PTPRN2: variants seen among roughly 807,000 people sequenced by gnomAD.
PTPRN2 encodes the protein receptor-type tyrosine-protein phosphatase N2.
In PTPRN2, 74 loss-of-function variants were observed where a neutral mutation model predicts 118.8. That is an observed-to-expected ratio of 0.62 (90% CI 0.52 to 0.76). The LOEUF (loss-of-function observed/expected upper bound fraction) is 0.76, where lower values mean the gene tolerates loss of function less well. PTPRN2 is among the 30% of genes least tolerant of loss of function. The probability of loss-of-function intolerance (pLI) is 0.00; values close to 1 mark genes in which losing one functional copy is unlikely to be tolerated. For missense variants in PTPRN2, 1,481 were observed against 1,394.4 expected (o/e 1.06, Z -0.99); for synonymous variants, 641 against 608.0 (o/e 1.05, Z -0.80).
intron 2 of PTPRN2, among the ~76,000 whole-genome samples, chr7:158,429,347 A>G (rs149287440): frequency 1.5e-3 from 221 of 152,300 alleles, no homozygotes; most frequent in Non-Finnish European, 2.6e-3. Context: ...TAGGCTCTCC[A>G]CGCTGGTCCT....
chr7:157,766,193 AT>A (rs1802471731), intron 12 of PTPRN2, among the ~76,000 whole-genome samples: 1 of 115,154 alleles, frequency 8.7e-6, no homozygotes, highest in Admixed American at 9.3e-5. Flanking sequence ...CAATCCATCC[AT>A]CCATCCATCC....
Position 158,186,482 on chromosome 7 carries a change from C to T in PTPRN2, c.549+5845G>A, listed in dbSNP as rs118051540. ...GTGTCTCCTGGTCGTCCCCCAAGGC[C>T]GTCCTCTTGGAAGCCCACCTGGGCC... On this transcript the variant is annotated intron_variant, in intron 5 of 22. Transcript: ENST00000389418. 7.1e-3 allele frequency among the ~76,000 whole-genome samples: 1,080 copies of T among 152,330 alleles called. 17 individuals are homozygous for T. The highest frequency in any genetic ancestry group is 0.06 in the East Asian group (312 of 5,174).
At chr7:158,166,115 G>A (rs114630335) in intron 6 of PTPRN2, among the ~76,000 whole-genome samples, 12,183 of 143,576 alleles carry the variant, frequency 0.085, 1,276 homozygotes, top group African/African-American at 0.2. Context: ...GGCCAGACCC[G>A]TCCTGCAAGC....
rs190005191 is a variant in PTPRN2 at position 157,967,635 on chromosome 7, G to A, written c.1724-68898C>T. ...ATACTCCATGACATGGGGAAAAGGA[G>A]AACGATGCTGACCCATTCCACAAGT... On this transcript the variant is annotated intron_variant, in intron 11 of 22. Transcript: ENST00000389418. 5.3e-5 allele frequency among the ~76,000 whole-genome samples: 8 copies of A among 152,308 alleles called. No individual in the cohort carries two copies. The East Asian group carries it at 1.5e-3, about 29-fold the overall frequency.
intron 2 of PTPRN2, among the ~76,000 whole-genome samples, chr7:158,341,156 C>A (rs1297040027): frequency 7.0e-6 from 1 of 142,694 alleles, no homozygotes. Flanking sequence ...TAAGAGCTGA[C>A]GCCCGCAGAC....
chr7:158,437,353 A>C (rs1433588178), intron 2 of PTPRN2, among the ~76,000 whole-genome samples: 1 of 152,194 alleles, frequency 6.6e-6, no homozygotes, highest in Non-Finnish European at 1.5e-5. Flanking sequence ...GAACATATCA[A>C]CCACAGTTAT....
chr7:158,203,480 G>T (rs1192135745), intron 4 of PTPRN2, among the ~76,000 whole-genome samples: 1 of 152,108 alleles, frequency 6.6e-6, no homozygotes, highest in East Asian at 1.9e-4. Context: ...CAATCCAGGC[G>T]CCTCTCCATG....
chr7:158,494,613 G>C (rs1240139784), intron 1 of PTPRN2, among the ~76,000 whole-genome samples: 2 of 152,180 alleles, frequency 1.3e-5, no homozygotes, highest in Non-Finnish European at 2.9e-5. Context: ...TCCTGAGAGG[G>C]GCTCACTGAA....
In PTPRN2 at chr7:157,990,603, G is replaced by A. The variant is rs981575890; in HGVS notation, c.1723+90695C>T. 1.3e-5 allele frequency among the ~76,000 whole-genome samples: 2 copies of A among 152,196 alleles called. No homozygotes were observed. Among genetic ancestry groups the A allele is most frequent in the African/African-American group, 4.8e-5 (2 of 41,450 alleles). On this transcript the variant is annotated intron_variant, in intron 11 of 22. Coordinates refer to ENST00000389418, the MANE Select transcript of PTPRN2 (RefSeq NM_002847.5). This position sits in a 1 kb window ranked among gnomAD's most constrained non-coding sequence, Gnocchi z 4.3. ...AGACATCGGTGGATGGGGGAGCAGG[G>A]CAGGCTGGGGGTCAGGGCTCAGGGC...
intron 12 of PTPRN2, among the ~76,000 whole-genome samples, chr7:157,762,394 C>T (rs1455961212): frequency 6.6e-6 from 1 of 151,960 alleles, no homozygotes; most frequent in Non-Finnish European, 1.5e-5. Context: ...CACATATACA[C>T]CATGGAATAC....
At chr7:158,260,626 A>C (rs1263637012) in intron 3 of PTPRN2, among the ~76,000 whole-genome samples, 1 of 152,226 alleles carries the variant, frequency 6.6e-6, no homozygotes, top group African/African-American at 2.4e-5. Flanking sequence ...TAATGCTGAT[A>C]GTAAGGTTAA....
rs1355908591 is a variant in PTPRN2, at chr7:158,467,127, G to A, written c.163+22608C>T. ...CATTCTCACAGGTGTGAGAGGGTAAGTCACTGGGGCTCTGATGTGCGTTTC... is the reference window on the plus strand; with the variant it reads ...CATTCTCACAGGTGTGAGAGGGTAAATCACTGGGGCTCTGATGTGCGTTTC... On this transcript the variant is annotated intron_variant, in intron 2 of 22. Coordinates refer to ENST00000389418, the MANE Select transcript of PTPRN2 (RefSeq NM_002847.5). Among the ~76,000 whole-genome samples the A allele has an allele frequency of 2.0e-5, 3 of 152,210 alleles. No homozygotes were observed. The East Asian group carries it at 5.8e-4, about 29-fold the overall frequency.
rs562882662 is a variant in PTPRN2 at position 157,977,467 on chromosome 7, G to A, written c.1724-78730C>T. 1.5e-4 allele frequency among the ~76,000 whole-genome samples: 23 copies of A among 152,080 alleles called. No homozygotes were observed. The South Asian group carries it at 1.7e-3, about 11-fold the overall frequency. ...GATGCCTGAATGCCAAGAGCCACCTGGGCAAATGTGGGATTGTGCCTGGCA... is the reference window on the plus strand; with the variant it reads ...GATGCCTGAATGCCAAGAGCCACCTAGGCAAATGTGGGATTGTGCCTGGCA... On this transcript the variant is annotated intron_variant, in intron 11 of 22. Transcript: ENST00000389418. This position sits in a 1 kb window ranked among gnomAD's most constrained non-coding sequence, Gnocchi z 4.6.
chr7:158,096,722 C>T (rs1330076064), intron 10 of PTPRN2, among the ~76,000 whole-genome samples: 2 of 152,202 alleles, frequency 1.3e-5, no homozygotes, highest in Non-Finnish European at 2.9e-5. Context: ...AGGAGAGTTA[C>T]ATAACATGAG....
At chr7:157,778,436 C>T (rs73744889) in intron 12 of PTPRN2, among the ~76,000 whole-genome samples, 1,978 of 151,646 alleles carry the variant, frequency 0.013, 41 homozygotes, top group African/African-American at 0.045. Flanking sequence ...CAAATGCCCA[C>T]GTAAACATGT....
intron 12 of PTPRN2, among the ~76,000 whole-genome samples, chr7:157,703,068 A>T (rs1798157598): frequency 6.6e-6 from 1 of 152,244 alleles, no homozygotes; most frequent in Non-Finnish European, 1.5e-5. Context: ...GAGCTCCTAA[A>T]CTGAGCCTGT....
In PTPRN2 at chr7:158,134,027, G is replaced by A; in HGVS notation, c.1206C>T (p.Leu402=). The A allele has an allele frequency of 6.2e-7, 1 of 1,613,746 alleles. No individual in the cohort carries two copies. The change falls in exon 9 of 23, where the codon CTC becomes CTT. Residue 402 remains leucine (L), a synonymous_variant. Transcript: ENST00000389418. The part of the protein sequence containing the change: ...VHRLSATLGG[L]LQDHGSRLLP... ...AGAGTCGAGACCCGTGGTCCTGCAG[G>A]AGGCCCCCGAGTGTGGCACTCAGAC...
At chr7:157,988,198 C>T (rs1803954115) in intron 11 of PTPRN2, among the ~76,000 whole-genome samples, 7 of 152,224 alleles carry the variant, frequency 4.6e-5, no homozygotes, top group Non-Finnish European at 1.0e-4. Flanking sequence ...CATGCTGTCT[C>T]TCCCCGGAGC....
intron 14 of PTPRN2, among the ~76,000 whole-genome samples, chr7:157,652,601 C>T (rs1012015310): frequency 8.5e-5 from 13 of 152,048 alleles, no homozygotes; most frequent in African/African-American, 2.7e-4. Flanking sequence ...GCCCCTTCCC[C>T]GGGGGTCCCT....
Sources: allele counts gnomAD v4.1 joint callset (sites outside exome capture counted in the v4.1 genomes callset), GRCh38; gene constraint gnomAD v4.1.1; non-coding constraint Gnocchi (gnomAD v3.1); transcripts MANE v1.5; gene names NCBI Gene and HGNC (gene_info 2026-07-23, HGNC 2026-07-21).